CACNA2D3: variants seen among roughly 807,000 people sequenced by gnomAD.
CACNA2D3 encodes voltage-dependent calcium channel subunit alpha-2/delta-3.
In CACNA2D3, 60 loss-of-function variants were observed where a neutral mutation model predicts 160.6. The observed-to-expected ratio is 0.37, with a 90% CI of 0.30 to 0.46. The LOEUF (loss-of-function observed/expected upper bound fraction) is 0.46. Among genes scored for constraint, CACNA2D3 ranks in the 20% least tolerant of loss-of-function variants. CACNA2D3 has a pLI of 1.00. For missense variants in CACNA2D3, 1,205 were observed against 1,365.0 expected, an observed-to-expected ratio of 0.88 and a Z score of 1.85; for synonymous variants, 558 against 492.9, an observed-to-expected ratio of 1.13 and a Z score of -1.75.
intron 4 of CACNA2D3, among the ~76,000 whole-genome samples, chr3:54,498,376 T>C (rs1316069208): frequency 6.6e-6 from 1 of 152,006 alleles, no homozygotes; most frequent in African/African-American, 2.4e-5. Context: ...GGCATAAAGT[T>C]GTTTGTAATA....
intron 4 of CACNA2D3, among the ~76,000 whole-genome samples, chr3:54,410,536 C>T (rs939786982): frequency 6.6e-6 from 1 of 152,136 alleles, no homozygotes; most frequent in African/African-American, 2.4e-5. Context: ...CATACGTGTG[C>T]TCTATAAATG....
intron 2 of CACNA2D3, among the ~76,000 whole-genome samples, chr3:54,316,700 A>G (rs1473429627): frequency 1.3e-5 from 2 of 152,150 alleles, no homozygotes; most frequent in Non-Finnish European, 2.9e-5. Context: ...GTCCTGGGAG[A>G]CTGACAACCT....
At chr3:55,029,104 C>T (rs1377943065) in intron 35 of CACNA2D3, among the ~76,000 whole-genome samples, 2 of 152,168 alleles carry the variant, frequency 1.3e-5, no homozygotes, top group East Asian at 3.8e-4. Context: ...TTAGACTGTT[C>T]TCAGTGAGTG....
At chr3:54,382,130 A>G (rs1045240716) in intron 3 of CACNA2D3, among the ~76,000 whole-genome samples, 2 of 152,210 alleles carry the variant, frequency 1.3e-5, no homozygotes, top group African/African-American at 4.8e-5. Flanking sequence ...TAAAAACCAC[A>G]TTCACAATTC....
At chr3:55,056,005 T>C (rs1360981198) in intron 35 of CACNA2D3, among the ~76,000 whole-genome samples, 1 of 152,094 alleles carries the variant, frequency 6.6e-6, no homozygotes. Flanking sequence ...ACAGTGTGAA[T>C]AGACAATCTA....
At chr3:54,563,473 C>T (rs1520572) in intron 6 of CACNA2D3, among the ~76,000 whole-genome samples, 7,439 of 152,194 alleles carry the variant, frequency 0.049, 355 homozygotes, top group East Asian at 0.2. Flanking sequence ...ACCCTAGCAC[C>T]CCCAGTACTC....
At chr3:54,953,764 G>C (rs1701814996) in intron 27 of CACNA2D3, among the ~76,000 whole-genome samples, 1 of 152,248 alleles carries the variant, frequency 6.6e-6, no homozygotes, top group African/African-American at 2.4e-5. Flanking sequence ...TTGACAGGCT[G>C]TGGGAATCAC....
At chr3:54,955,591 A>G (rs115016314) in intron 27 of CACNA2D3, among the ~76,000 whole-genome samples, 2 of 152,188 alleles carry the variant, frequency 1.3e-5, no homozygotes, top group East Asian at 1.9e-4. Flanking sequence ...TCTAAGGTCT[A>G]TCAGCATGTC....
At chr3:54,738,564 G>A (rs1276207842) in intron 11 of CACNA2D3, among the ~76,000 whole-genome samples, 2 of 152,188 alleles carry the variant, frequency 1.3e-5, no homozygotes, top group African/African-American at 2.4e-5. Context: ...CAAGATAGAG[G>A]CCAGCTCTCA....
At chr3:54,318,494 T>C (rs750577112) in intron 2 of CACNA2D3, among the ~76,000 whole-genome samples, 1 of 152,060 alleles carries the variant, frequency 6.6e-6, no homozygotes, top group African/African-American at 2.4e-5. Context: ...TAGACTCACA[T>C]GGTCCAGAAA....
intron 4 of CACNA2D3, among the ~76,000 whole-genome samples, chr3:54,461,092 A>G (rs1014020034): frequency 1.3e-5 from 2 of 151,966 alleles, no homozygotes; most frequent in Non-Finnish European, 2.9e-5. Context: ...TGATTTGCGT[A>G]TATTGAACCA....
At chr3:54,690,916 G>A (rs1331697351) in intron 11 of CACNA2D3, among the ~76,000 whole-genome samples, 2 of 152,118 alleles carry the variant, frequency 1.3e-5, no homozygotes, top group African/African-American at 2.4e-5. Context: ...CCACTCAATC[G>A]AGGGCTGTCT....
intron 11 of CACNA2D3, among the ~76,000 whole-genome samples, chr3:54,725,374 A>G (rs1701256869): frequency 6.6e-6 from 1 of 152,196 alleles, no homozygotes; most frequent in Non-Finnish European, 1.5e-5. Context: ...AACTATTCCA[A>G]TCAATAGAAA....
chr3:54,959,436 G>A (rs966369682), intron 27 of CACNA2D3, among the ~76,000 whole-genome samples: 4 of 152,186 alleles, frequency 2.6e-5, no homozygotes, highest in African/African-American at 7.2e-5. Flanking sequence ...GACTGCCCAC[G>A]TGGAGATTTT....
At chr3:55,059,524 C>T (rs1315688094) in intron 35 of CACNA2D3, among the ~76,000 whole-genome samples, 1 of 152,096 alleles carries the variant, frequency 6.6e-6, no homozygotes, top group African/African-American at 2.4e-5. Flanking sequence ...GGTGCAGGAG[C>T]CGGGGTGGAC....
chr3:54,320,417 T>C, intron 2 of CACNA2D3, 25 bp from the exon 3 acceptor site: 1 of 1,241,712 alleles, frequency 8.1e-7, no homozygotes, highest in South Asian at 1.3e-5. Flanking sequence ...TCATGTGTCT[T>C]GAATGTTGCC....
intron 2 of CACNA2D3, among the ~76,000 whole-genome samples, chr3:54,129,072 T>G (rs1039988636): frequency 6.6e-6 from 1 of 150,740 alleles, no homozygotes; most frequent in African/African-American, 2.4e-5. Context: ...GAAAATGATA[T>G]GAGGAAGAGG....
intron 2 of CACNA2D3, among the ~76,000 whole-genome samples, chr3:54,244,020 C>G (rs1424890864): frequency 6.6e-6 from 1 of 152,198 alleles, no homozygotes; most frequent in African/African-American, 2.4e-5. Context: ...TGGAAACAGA[C>G]CTGACCACCT....
At chr3:54,818,746 A>C (rs370921656) in intron 14 of CACNA2D3, among the ~76,000 whole-genome samples, 1 of 152,212 alleles carries the variant, frequency 6.6e-6, no homozygotes, top group African/African-American at 2.4e-5. Context: ...CTATAGCCCT[A>C]TGTGAAAAGG....
Sources: allele counts gnomAD v4.1 joint callset (sites outside exome capture counted in the v4.1 genomes callset), GRCh38; gene constraint gnomAD v4.1.1; transcripts MANE v1.5; gene names NCBI Gene and HGNC (gene_info 2026-07-23, HGNC 2026-07-21).